Variants in TRMT9B observed in about 807,000 individuals in gnomAD.
TRMT9B encodes tRNA methyltransferase 9B (putative).
Under a neutral mutation model 11.5 loss-of-function variants are expected in TRMT9B, and 16 were observed. That is an observed-to-expected ratio of 1.39 (90% CI 0.94 to 2.11). TRMT9B has a LOEUF of 2.11. Among genes scored for constraint, TRMT9B ranks in the 30% most tolerant of loss-of-function variants. The probability of loss-of-function intolerance (pLI) is 0.00; values close to 1 mark genes in which losing one functional copy is unlikely to be tolerated. For synonymous variants in TRMT9B, 274 were observed against 192.4 expected, an observed-to-expected ratio of 1.42 and a Z score of -3.51; for missense variants, 941 against 553.8, an observed-to-expected ratio of 1.70 and a Z score of -7.02.
intron 1 of TRMT9B, among the ~76,000 whole-genome samples, chr8:12,959,024 A>G (rs1455333311): frequency 6.6e-6 from 1 of 152,150 alleles, no homozygotes; most frequent in Non-Finnish European, 1.5e-5. Flanking sequence ...GCAAACCAAC[A>G]TGGCACATGT....
At chr8:12,982,328 A>C (rs1432204104) in intron 1 of TRMT9B, among the ~76,000 whole-genome samples, 1 of 152,238 alleles carries the variant, frequency 6.6e-6, no homozygotes, top group Non-Finnish European at 1.5e-5. Flanking sequence ...ACCAGATTCT[A>C]CTATGCTTTG....
Position 13,028,291 on chromosome 8 carries a change from G to C in TRMT9B, c.*6247G>C, listed in dbSNP as rs772369344. 1.2e-5 allele frequency: 2 copies of C among 167,070 alleles called. No homozygotes were observed. The highest frequency in any genetic ancestry group is 4.8e-5 in the African/African-American group (2 of 41,460). The allele number at this position is 167,070 out of a possible 1,614,324, so 10.3% of individuals were successfully genotyped here. On this transcript the variant is annotated 3_prime_UTR_variant, in exon 5 of 5. Transcript: ENST00000524591. ...ATCTGATGGACCATTTGTAAGAGCT[G>C]TTTGTCAAATTGGATCTTCATTTGA...
At chr8:12,978,626 T>C (rs940060708) in intron 1 of TRMT9B, among the ~76,000 whole-genome samples, 2 of 152,216 alleles carry the variant, frequency 1.3e-5, no homozygotes, top group Non-Finnish European at 2.9e-5. Context: ...TCCAGATTGT[T>C]TCTGTGTCAC....
chr8:12,975,392 A>T (rs1193480002), intron 1 of TRMT9B, among the ~76,000 whole-genome samples: 4 of 152,084 alleles, frequency 2.6e-5, no homozygotes, highest in African/African-American at 9.7e-5. Context: ...GAACTTATTA[A>T]TTGCTCCTTT....
rs560398923 is a variant in TRMT9B at position 12,949,284 on chromosome 8, C to G, written c.-200+3318C>G. Among the ~76,000 whole-genome samples the G allele has an allele frequency of 4.9e-4, 74 of 151,822 alleles. 1 individual carries two copies. Among genetic ancestry groups the G allele is most frequent in the African/African-American group, 1.7e-3 (70 of 41,378 alleles). On this transcript the variant is annotated intron_variant, in intron 1 of 4. Transcript: ENST00000524591. The stretch of plus-strand genomic sequence containing the variant: ...TTTAAAAAACTGAAAAACGTTAAAC[C>G]TCACAAATAATGAGAAAATAATGCA...
chr8:12,998,159 G>A (rs562032688), intron 2 of TRMT9B, among the ~76,000 whole-genome samples: 3 of 152,268 alleles, frequency 2.0e-5, no homozygotes, highest in Non-Finnish European at 2.9e-5. Flanking sequence ...TCATCTGTAT[G>A]TACTACGAAT....
At position 13,021,315 on chromosome 8, in the gene TRMT9B, C is replaced by G. The variant is rs749957836; in HGVS notation, c.636C>G (p.Ser212=). 6.2e-7 allele frequency: 1 copy of G among 1,613,998 alleles called. No individual in the cohort carries two copies. Among genetic ancestry groups the G allele is most frequent in the African/African-American group, 1.3e-5 (1 of 75,044 alleles). ...CFKEQCGSKR[S]HSVGYEPAMA... is the part of the protein sequence containing the mutation. Reference sequence around the variant, plus strand: ...AAGAGCAGTGTGGTTCAAAACGGTCCCACAGCGTGGGCTATGAACCTGCTA... The same window carrying G: ...AAGAGCAGTGTGGTTCAAAACGGTCGCACAGCGTGGGCTATGAACCTGCTA... Residue 212 remains serine, a synonymous_variant, in exon 5 of 5, where the codon TCC becomes TCG. Coordinates refer to ENST00000524591, the MANE Select transcript of TRMT9B (RefSeq NM_020844.3).
chr8:13,005,197 G>T (rs765254545), intron 2 of TRMT9B, among the ~76,000 whole-genome samples: 62 of 152,248 alleles, frequency 4.1e-4, no homozygotes, highest in Non-Finnish European at 6.3e-4. Context: ...AGAAAGACAG[G>T]CTTCATATGT....
At chr8:12,981,687 C>A (rs1199401345) in intron 1 of TRMT9B, among the ~76,000 whole-genome samples, 1 of 152,000 alleles carries the variant, frequency 6.6e-6, no homozygotes, top group Non-Finnish European at 1.5e-5. Flanking sequence ...GCAGCCTCAA[C>A]CTCCTGGGCT....
intron 2 of TRMT9B, among the ~76,000 whole-genome samples, chr8:13,003,718 G>C (rs73204370): frequency 1.3e-5 from 2 of 151,544 alleles, no homozygotes; most frequent in African/African-American, 4.8e-5. Flanking sequence ...AAGAACTGAG[G>C]GGGATAGTGT....
chr8:12,969,207 A>AAAACAAAC (rs369224363), intron 1 of TRMT9B, among the ~76,000 whole-genome samples: 2 of 152,156 alleles, frequency 1.3e-5, no homozygotes, highest in East Asian at 3.9e-4. Flanking sequence ...ACTGTGTCTA[A>AAAACAAAC]AAACAAACAA....
At chr8:13,012,017 A>G in intron 3 of TRMT9B, 1 of 985,406 alleles carries the variant, frequency 1.0e-6, no homozygotes, top group Non-Finnish European at 1.2e-6. Context: ...TACAAAATGA[A>G]ATATGAATGT....
At chr8:12,964,393 G>A (rs1414729932) in intron 1 of TRMT9B, among the ~76,000 whole-genome samples, 3 of 152,140 alleles carry the variant, frequency 2.0e-5, no homozygotes, top group African/African-American at 4.8e-5. Context: ...CCATCCTGCC[G>A]CAGGAACTTC....
At chr8:12,958,809 C>G (rs1801653157) in intron 1 of TRMT9B, 1 of 152,178 alleles carries the variant, frequency 6.6e-6, no homozygotes, top group Admixed American at 6.5e-5. Context: ...ATGGATGAAG[C>G]TGGAAACCAT....
At chr8:13,012,060 C>T in intron 3 of TRMT9B, 1 of 985,366 alleles carries the variant, frequency 1.0e-6, no homozygotes, top group South Asian at 4.7e-5. Flanking sequence ...CTCTCGGATA[C>T]TAGAACTATC....
intron 2 of TRMT9B, among the ~76,000 whole-genome samples, chr8:12,997,004 T>C (rs1050891387): frequency 7.2e-6 from 1 of 138,728 alleles, no homozygotes; most frequent in Admixed American, 7.5e-5. Context: ...TATTTTATTT[T>C]ATTTTTTATT....
At chr8:13,018,314 A>G (rs1813170413) in intron 4 of TRMT9B, among the ~76,000 whole-genome samples, 1 of 150,042 alleles carries the variant, frequency 6.7e-6, no homozygotes, top group African/African-American at 2.4e-5. Flanking sequence ...AGAGAGGAGA[A>G]TCACCTGAAC....
At chr8:12,984,989 T>A (rs2460342) in intron 1 of TRMT9B, among the ~76,000 whole-genome samples, 9,699 of 117,250 alleles carry the variant, frequency 0.083, 525 homozygotes, top group African/African-American at 0.2. Flanking sequence ...ACACACACAC[T>A]CTCTCTCTCA....
intron 4 of TRMT9B, among the ~76,000 whole-genome samples, chr8:13,019,912 T>C (rs1813494639): frequency 6.6e-6 from 1 of 152,232 alleles, no homozygotes; most frequent in East Asian, 1.9e-4. Flanking sequence ...CTTACATTAC[T>C]GCATGGTAGA....
Sources: gnomAD v4.1 joint callset for allele counts (sites outside exome capture counted in the v4.1 genomes callset) on GRCh38, gnomAD v4.1.1 for gene constraint, MANE v1.5 for transcripts, NCBI Gene and HGNC (gene_info 2026-07-23, HGNC 2026-07-21) for gene names.